The following KRT19 variants were observed in gnomAD, a reference collection of about 807,000 sequenced individuals.
KRT19 encodes the protein keratin, type I cytoskeletal 19.
A neutral mutation model predicts 34.6 loss-of-function variants in KRT19; 21 were observed. The ratio of observed to expected loss-of-function variants is 0.61; its 90% CI spans 0.43 to 0.87. KRT19 has a LOEUF of 0.87. KRT19 is among the 40% of genes least tolerant of loss of function. The pLI is 0.00. For synonymous variants in KRT19, 240 were observed against 245.8 expected (o/e 0.98, Z 0.22); for missense variants, 514 against 545.7 (o/e 0.94, Z 0.58).
chr17:41,526,065 G>A (rs925352719), intron 1 of KRT19, among the ~76,000 whole-genome samples: 1 of 151,902 alleles, frequency 6.6e-6, no homozygotes, highest in African/African-American at 2.4e-5. Context: ...CCCGCCTCCC[G>A]GGTTCACGCC....
Position 41,524,933 on chromosome 17 carries a change from C to G in KRT19, c.570G>C (p.Leu190=), listed in dbSNP as rs1206623157. 20 of 1,614,224 alleles carry G rather than the reference C, an allele frequency of 1.2e-5. No individual in the cohort carries two copies. Among genetic ancestry groups the G allele is most frequent in the Non-Finnish European group, 1.7e-5 (20 of 1,180,022 alleles). Residue 190 remains leucine, a synonymous_variant, in exon 3 of 6, where the codon CTG becomes CTC. Transcript: ENST00000361566. The part of the protein sequence containing the change: ...EADINGLRRV[L]DELTLARTDL... Reference sequence around the variant, plus strand: ...CGGTCCTGGCCAGGGTCAGCTCATCCAGCACCCTGCGCAGGCCGTTGATGT... The same window carrying G: ...CGGTCCTGGCCAGGGTCAGCTCATCGAGCACCCTGCGCAGGCCGTTGATGT...
rs1040280930 is a variant in KRT19 at position 41,527,809 on chromosome 17, C to T, written c.420+19G>A. On this transcript the variant is annotated intron_variant, in intron 1 of 5. Coordinates refer to ENST00000361566, the MANE Select transcript of KRT19 (RefSeq NM_002276.5). ...CGCGGCAGGTGCACTGCACTTCCCG[C>T]GGCCGGGCCTCCGCCCACCTTGTCC... 6 of 1,552,746 alleles carry T rather than the reference C, an allele frequency of 3.9e-6. No individual in the cohort carries two copies. The highest frequency in any genetic ancestry group is 5.2e-6 in the Non-Finnish European group (6 of 1,148,916).
rs60030898 is a variant in KRT19, at chr17:41,526,562, C to CTTTTTTTTTT, written c.420+1256_420+1265dup. 5.5e-5 allele frequency among the ~76,000 whole-genome samples: 4 copies of CTTTTTTTTTT among 72,194 alleles called. 1 individual carries two copies. The highest frequency in any genetic ancestry group is 2.5e-4 in the Admixed American group (1 of 4,018). 47.4% of individuals were successfully genotyped at this position (72,194 alleles called of 152,430 possible). On this transcript the variant is annotated intron_variant, in intron 1 of 5. Transcript: ENST00000361566. ...ACACGCCACCATGCCAAGCTAATTCCTTTTTTTTTTTTTTTTTTTTTTTTT... is the reference window on the plus strand; with the variant it reads ...ACACGCCACCATGCCAAGCTAATTCCTTTTTTTTTTTTTTTTTTTTTTTTTTTTTTTTTTT...
rs1387138073 is a variant in KRT19 at position 41,525,217 on chromosome 17, A to T, written c.477T>A (p.Arg159=). 43 of 1,613,684 alleles carry T rather than the reference A, an allele frequency of 2.7e-5. No individual in the cohort carries two copies. Among genetic ancestry groups the T allele is most frequent in the Non-Finnish European group, 3.5e-5 (41 of 1,179,772 alleles). ...TGGTTCGGAAGTCATCTGCAGCCAG[A>T]CGGGCATTGTCGATCTGCAGGACAA... ...SRIVLQIDNA[R]LAADDFRTKF... Residue 159 remains arginine (R), a synonymous_variant, in exon 2 of 6, where the codon CGT becomes CGA. Transcript: ENST00000361566.
At chr17:41,527,634 A>C (rs1357117525) in intron 1 of KRT19, among the ~76,000 whole-genome samples, 194 bp downstream of exon 1, 5 of 144,350 alleles carry the variant, frequency 3.5e-5, no homozygotes, top group South Asian at 4.5e-4. Flanking sequence ...CCTTTCCACC[A>C]CCCCGGCCTC....
At chr17:41,525,138 C>T (rs968743000) in intron 2 of KRT19, 53 bp downstream of exon 2, 9 of 1,571,338 alleles carry the variant, frequency 5.7e-6, no homozygotes, top group African/African-American at 1.3e-5. Flanking sequence ...TCTAAACCCC[C>T]CAACCCCTAC....
At position 41,523,738 on chromosome 17, in the gene KRT19, C is replaced by T; in HGVS notation, c.*5G>A. ...AGGACAGCAGAAGCCCCAGAGCCTG[C>T]TGCCTCAGAGGACCTTGGAGGCAGA... On this transcript the variant is annotated 3_prime_UTR_variant, in exon 6 of 6. Coordinates refer to ENST00000361566, the MANE Select transcript of KRT19 (RefSeq NM_002276.5). The T allele has an allele frequency of 6.2e-7, 1 of 1,613,214 alleles. No individual in the cohort carries two copies. The highest frequency in any genetic ancestry group is 8.5e-7 in the Non-Finnish European group (1 of 1,179,362).
Position 41,527,929 on chromosome 17 carries a change from C to T in KRT19, c.319G>A (p.Glu107Lys), listed in dbSNP as rs1367435953. 6.8e-6 allele frequency: 11 copies of T among 1,613,594 alleles called. No homozygotes were observed. In the African/African-American group the frequency reaches 1.1e-4, roughly 16 times the overall value. The change falls in exon 1 of 6, where the codon GAG becomes AAG. Residue 107 changes from glutamate to lysine, a missense_variant. Physicochemically the swap from Glu to Lys is moderately conservative, Grantham distance 56 (BLOSUM62 1). Transcript: ENST00000361566. ...CAGTCGCGGATCTTCACCTCTAGCTCGCCGTTGGCCGCCTCCAGGGCGCGC... is the reference window on the plus strand; with the variant it reads ...CAGTCGCGGATCTTCACCTCTAGCTTGCCGTTGGCCGCCTCCAGGGCGCGC... ...KVRALEAANG[E>K]LEVKIRDWYQ...
Position 41,523,918 on chromosome 17 carries a change from C to T in KRT19, c.1028G>A (p.Ser343Asn). ...ATCGCCCAGCTGGGCTTCAATACCG[C>T]TGATCAGCGCCTGGATATGCGCCAG... ...AQLAHIQALI[S>N]GIEAQLGDVR... Residue 343 changes from serine to asparagine, a missense_variant, in exon 6 of 6, where the codon AGC becomes AAC. Transcript: ENST00000361566. 1.2e-6 allele frequency: 2 copies of T among 1,614,102 alleles called. No individual in the cohort carries two copies.
chr17:41,524,630 G>A (rs1905796798), intron 3 of KRT19, 90 bp from the exon 4 acceptor site: 1 of 1,451,394 alleles, frequency 6.9e-7, no homozygotes, highest in Non-Finnish European at 9.6e-7. Context: ...GGCTAAAGGG[G>A]CTTAGTTTTC....
chr17:41,524,129 G>T lies in KRT19; in HGVS notation c.948+14C>A. 5 of 1,572,212 alleles carry T rather than the reference G, an allele frequency of 3.2e-6. No individual in the cohort carries two copies. The highest frequency in any genetic ancestry group is 2.2e-5 in the East Asian group (1 of 44,776). ...AATTGCACAGGGAAGCGGCGGCGGT[G>T]GGGGGACACATACCATGCTCAGCTG... On this transcript the variant is annotated intron_variant, in intron 5 of 5. Transcript: ENST00000361566.
chr17:41,524,423 C>G lies in KRT19; in HGVS notation c.778G>C (p.Ala260Pro), dbSNP rs768025801. The change falls in exon 4 of 6, where the codon GCC (alanine) becomes CCC (proline). Residue 260 changes from alanine to proline, a missense_variant. Ala to Pro is a conservative substitution (Grantham distance 27). Transcript: ENST00000361566. ...SDMRSQYEVM[A>P]EQNRKDAEAW... Reference sequence around the variant, plus strand: ...TCAGCATCCTTCCGGTTCTGCTCGGCCATGACCTCATATTGGCTTCGCATG... The same window carrying G: ...TCAGCATCCTTCCGGTTCTGCTCGGGCATGACCTCATATTGGCTTCGCATG... The G allele has an allele frequency of 6.2e-7, 1 of 1,614,200 alleles. No individual in the cohort carries two copies. The highest frequency in any genetic ancestry group is 1.3e-5 in the African/African-American group (1 of 75,054).
Position 41,523,924 on chromosome 17 carries a change from A to G in KRT19, c.1022T>C (p.Leu341Pro). 1.2e-6 allele frequency: 2 copies of G among 1,614,032 alleles called. No homozygotes were observed. The highest frequency in any genetic ancestry group is 1.7e-6 in the Non-Finnish European group (2 of 1,180,008). The change falls in exon 6 of 6, where the codon CTG becomes CCG. Residue 341 changes from leucine to proline, a missense_variant. Coordinates refer to ENST00000361566, the MANE Select transcript of KRT19 (RefSeq NM_002276.5). The part of the protein sequence containing the change: ...FGAQLAHIQA[L>P]ISGIEAQLGD... ...CAGCTGGGCTTCAATACCGCTGATCAGCGCCTGGATATGCGCCAGCTGGGC... is the reference window on the plus strand; with the variant it reads ...CAGCTGGGCTTCAATACCGCTGATCGGCGCCTGGATATGCGCCAGCTGGGC...
At position 41,523,920 on chromosome 17, in the gene KRT19, G is replaced by C; in HGVS notation, c.1026C>G (p.Ile342Met). The part of the protein sequence containing the change: ...GAQLAHIQAL[I>M]SGIEAQLGDV... ...CGCCCAGCTGGGCTTCAATACCGCT[G>C]ATCAGCGCCTGGATATGCGCCAGCT... The change falls in exon 6 of 6, where the codon ATC becomes ATG. Residue 342 changes from isoleucine to methionine, a missense_variant. Physicochemically the swap from Ile to Met is conservative, Grantham distance 10 (BLOSUM62 1). Transcript: ENST00000361566. 1 of 1,614,072 alleles carries C rather than the reference G, an allele frequency of 6.2e-7. No individual in the cohort carries two copies.
Position 41,525,189 on chromosome 17 carries a change from A to T in KRT19, c.503+2T>A. Reference sequence around the variant, plus strand: ...TGCAGCCCCCAGGACAGAGACACTCACTTGGTTCGGAAGTCATCTGCAGCC... The same window carrying T: ...TGCAGCCCCCAGGACAGAGACACTCTCTTGGTTCGGAAGTCATCTGCAGCC... On this transcript the variant is annotated splice_donor_variant, in intron 2 of 5. Transcript: ENST00000361566. LOFTEE classifies it high-confidence loss of function. The T allele has an allele frequency of 6.2e-7, 1 of 1,611,316 alleles. No individual in the cohort carries two copies. Among genetic ancestry groups the T allele is most frequent in the Non-Finnish European group, 8.5e-7 (1 of 1,177,586 alleles).
rs1335094542 is a variant in KRT19, at chr17:41,524,205, C to T, written c.886G>A (p.Val296Ile). The T allele has an allele frequency of 6.2e-7, 1 of 1,614,148 alleles. No homozygotes were observed. Residue 296 changes from valine (V) to isoleucine (I), a missense_variant, in exon 5 of 6, where the codon GTT (valine) becomes ATT (isoleucine). Transcript: ENST00000361566. ...TGAAGGGTGCGCCGCAGGTCAGTAACCTCGGACCTGCTCATCTGGAGCTGC... is the reference window on the plus strand; with the variant it reads ...TGAAGGGTGCGCCGCAGGTCAGTAATCTCGGACCTGCTCATCTGGAGCTGC... ...TEQLQMSRSE[V>I]TDLRRTLQGL...
At chr17:41,525,081 C>G (rs1243284126) in intron 2 of KRT19, 82 bp from the exon 3 acceptor site, 1 of 1,583,146 alleles carries the variant, frequency 6.3e-7, no homozygotes, top group Non-Finnish European at 8.7e-7. Context: ...GTTCAGGAGT[C>G]CATAGGGGGG....
intron 3 of KRT19, 142 bp from the exon 4 acceptor site, chr17:41,524,682 C>T (rs2144534376): frequency 3.3e-6 from 4 of 1,226,696 alleles, no homozygotes; most frequent in Non-Finnish European, 4.7e-6. Flanking sequence ...CAGACTGGGT[C>T]ATCACTGATT....
chr17:41,524,031 G>A, intron 5 of KRT19, 34 bp from the exon 6 acceptor site: 1 of 1,603,066 alleles, frequency 6.2e-7, no homozygotes, highest in Non-Finnish European at 8.5e-7. Context: ...TGACTCAGCA[G>A]AGCCTGGTTC....
Sources: allele counts gnomAD v4.1 joint callset (sites outside exome capture counted in the v4.1 genomes callset), GRCh38; gene constraint gnomAD v4.1.1; transcripts MANE v1.5; gene names NCBI Gene and HGNC (gene_info 2026-07-23, HGNC 2026-07-21).